The following MAP7 variants were observed in gnomAD, a reference collection of about 807,000 sequenced individuals.
MAP7 encodes microtubule associated protein 7, also known as ensconsin.
In MAP7, 52 loss-of-function variants were observed where a neutral mutation model predicts 94.8. The ratio of observed to expected loss-of-function variants is 0.55; its 90% CI spans 0.44 to 0.69. MAP7 has a LOEUF of 0.69. Ranked by LOEUF, MAP7 falls within the 30% of genes least tolerant of loss-of-function variation. The probability of loss-of-function intolerance (pLI) is 0.00; values close to 1 mark genes in which losing one functional copy is unlikely to be tolerated. For synonymous variants in MAP7, 350 were observed against 357.0 expected (o/e 0.98, Z 0.22); for missense variants, 940 against 964.6 (o/e 0.97, Z 0.34).
intron 7 of MAP7, among the ~76,000 whole-genome samples, chr6:136,376,994 A>G (rs779588221): frequency 9.9e-5 from 15 of 152,156 alleles, no homozygotes; most frequent in Non-Finnish European, 1.6e-4. Flanking sequence ...GGAAAACCTA[A>G]ATCAACTCAC....
chr6:136,525,385 G>C (rs1827550527), intron 1 of MAP7, among the ~76,000 whole-genome samples: 1 of 152,152 alleles, frequency 6.6e-6, no homozygotes, highest in African/African-American at 2.4e-5. Flanking sequence ...CCTAGAAAAG[G>C]TTGCACTCTT....
rs750906239 is a variant in MAP7 at position 136,362,633 on chromosome 6, AC to A, written c.1342del (p.Val448SerfsTer14). ...APASAPAPAPVPTPAMVSAPS... is the reference protein window; with the variant it reads ...APASAPAPAPXPTPAMVSAPS... ...GGCTGAGACCATGGCTGGGGTGGGG[AC>A]CGGGGCTGGAGCTGGGGCCGAGGCT... On this transcript the variant is annotated frameshift_variant, in exon 11 of 18. Coordinates refer to ENST00000354570, the MANE Select transcript of MAP7 (RefSeq NM_003980.6). LOFTEE classifies it high-confidence loss of function. 43 of 1,611,410 alleles carry A rather than the reference AC, an allele frequency of 2.7e-5. No individual in the cohort carries two copies. Among genetic ancestry groups the A allele is most frequent in the Non-Finnish European group, 3.6e-5 (43 of 1,178,926 alleles).
At position 136,393,798 on chromosome 6, in the gene MAP7, A is replaced by ATT. The variant is rs61666828; in HGVS notation, c.245-4283_245-4282dup. 7.3e-3 allele frequency among the ~76,000 whole-genome samples: 612 copies of ATT among 84,402 alleles called. 11 individuals carry two copies. Among genetic ancestry groups the ATT allele is most frequent in the African/African-American group, 0.025 (573 of 22,754 alleles). 55.4% of individuals were successfully genotyped at this position (84,402 alleles called of 152,430 possible). On this transcript the variant is annotated intron_variant, in intron 3 of 17. Transcript: ENST00000354570. ...GGTACATGCTACCACATTCAGCAAA[A>ATT]TTTTTTTTTTTTTTTTTTTTTTTTT...
rs1391984632 is a variant in MAP7 at position 136,373,046 on chromosome 6, C to T, written c.752-421G>A. Among the ~76,000 whole-genome samples the T allele has an allele frequency of 6.6e-5, 10 of 151,992 alleles. No homozygotes were observed. The East Asian group carries it at 1.7e-3, about 26-fold the overall frequency. ...AGACTAGTTTATAACCAGACTTTTC[C>T]TAAATTAGCTTTAAGATGGAACAAA... On this transcript the variant is annotated intron_variant, in intron 7 of 17. Transcript: ENST00000354570.
At chr6:136,400,066 C>G (rs1420542137) in intron 3 of MAP7, among the ~76,000 whole-genome samples, 1 of 151,538 alleles carries the variant, frequency 6.6e-6, no homozygotes, top group Non-Finnish European at 1.5e-5. Context: ...CAACCCCTAC[C>G]TCTACACCAC....
intron 3 of MAP7, among the ~76,000 whole-genome samples, chr6:136,400,770 T>C (rs1019307267): frequency 1.3e-5 from 2 of 152,188 alleles, no homozygotes; most frequent in Non-Finnish European, 2.9e-5. Flanking sequence ...CTCGAAAGCT[T>C]GTACTCAGTC....
rs1045097368 is a variant in MAP7 at position 136,443,509 on chromosome 6, T to G, written c.68-21710A>C. Among the ~76,000 whole-genome samples the G allele has an allele frequency of 2.1e-5, 3 of 145,832 alleles. No individual in the cohort carries two copies. In the Admixed American group the frequency reaches 2.2e-4, roughly 10 times the overall value. ...CTCTGTCACCCAGGCTGGAGTGCAG[T>G]GGTGCAATCTTGGCTCACTGCAACC... On this transcript the variant is annotated intron_variant, in intron 1 of 17. Coordinates refer to ENST00000354570, the MANE Select transcript of MAP7 (RefSeq NM_003980.6).
chr6:136,366,981 C>G (rs1349940063), intron 8 of MAP7, among the ~76,000 whole-genome samples: 1 of 152,070 alleles, frequency 6.6e-6, no homozygotes, highest in African/African-American at 2.4e-5. Flanking sequence ...CACCTACTGT[C>G]CTCTTGCAGC....
intron 9 of MAP7, 49 bp from the exon 10 acceptor site, chr6:136,366,067 G>T: frequency 6.4e-7 from 1 of 1,563,758 alleles, no homozygotes; most frequent in Non-Finnish European, 8.6e-7. Context: ...ATGAGAACAG[G>T]CTTGCCAGAA....
At chr6:136,506,560 T>C (rs1352444123) in intron 1 of MAP7, among the ~76,000 whole-genome samples, 2 of 151,534 alleles carry the variant, frequency 1.3e-5, no homozygotes, top group Non-Finnish European at 1.5e-5. Flanking sequence ...TCTTCCAGCC[T>C]CAGTACTGGG....
chr6:136,351,856 CTTG>C (rs1683858581), intron 16 of MAP7, among the ~76,000 whole-genome samples: 2 of 152,172 alleles, frequency 1.3e-5, no homozygotes, highest in South Asian at 4.1e-4. Context: ...TCGGTGTGTG[CTTG>C]CTCAGCAGGC....
In MAP7 at chr6:136,548,104, C is replaced by A. The variant is rs1385363152; in HGVS notation, c.67+2238G>T. On this transcript the variant is annotated intron_variant, in intron 1 of 17. Coordinates refer to ENST00000354570, the MANE Select transcript of MAP7 (RefSeq NM_003980.6). The stretch of plus-strand genomic sequence containing the variant: ...CGGCCACCCACCACCACCACCCCCC[C>A]CCACCCCCCCAACAATTCCATACAA... 7.7e-5 allele frequency among the ~76,000 whole-genome samples: 10 copies of A among 129,680 alleles called. No individual in the cohort carries two copies. The East Asian group carries it at 2.6e-3, about 34-fold the overall frequency. 85.1% of individuals were successfully genotyped at this position (129,680 alleles called of 152,430 possible).
chr6:136,354,875 G>A (rs145022101), intron 16 of MAP7, among the ~76,000 whole-genome samples: 7 of 152,296 alleles, frequency 4.6e-5, no homozygotes, highest in African/African-American at 1.7e-4. Context: ...ACTGAAGAGA[G>A]TCAAATTATG....
chr6:136,354,121 T>TA, intron 16 of MAP7, among the ~76,000 whole-genome samples: 3 of 63,376 alleles, frequency 4.7e-5, no homozygotes, highest in Admixed American at 3.6e-4. Flanking sequence ...TATATATATA[T>TA]ATTATATATA....
intron 1 of MAP7, among the ~76,000 whole-genome samples, chr6:136,429,708 T>C (rs760019531): frequency 1.3e-5 from 2 of 152,180 alleles, no homozygotes; most frequent in Admixed American, 6.5e-5. Context: ...TTCTGACACA[T>C]TGCGCTGACA....
In MAP7 at chr6:136,372,240, G is replaced by A. The variant is rs137995276; in HGVS notation, c.876+261C>T. 1.4e-3 allele frequency among the ~76,000 whole-genome samples: 216 copies of A among 152,242 alleles called. 1 individual carries two copies. Among genetic ancestry groups the A allele is most frequent in the African/African-American group, 4.6e-3 (190 of 41,538 alleles). On this transcript the variant is annotated intron_variant, in intron 8 of 17. Transcript: ENST00000354570. The stretch of plus-strand genomic sequence containing the variant: ...TATGGACGCTCCAGGAGGGTAGGGC[G>A]TCCACTCATACATGCTTGAACAAAG...
chr6:136,534,687 T>G (rs1312598247), intron 1 of MAP7, among the ~76,000 whole-genome samples: 1 of 152,230 alleles, frequency 6.6e-6, no homozygotes, highest in African/African-American at 2.4e-5. Context: ...GTTCCTACAG[T>G]TGGGGTCAGG....
chr6:136,468,818 CCTCT>C (rs936376209), intron 1 of MAP7, among the ~76,000 whole-genome samples: 6 of 152,122 alleles, frequency 3.9e-5, no homozygotes, highest in African/African-American at 1.2e-4. Flanking sequence ...ATCTACCCTC[CCTCT>C]AAGTAAGGAG....
At chr6:136,368,177 A>G (rs867874856) in intron 8 of MAP7, among the ~76,000 whole-genome samples, 2 of 152,038 alleles carry the variant, frequency 1.3e-5, no homozygotes, top group Admixed American at 6.5e-5. Context: ...CTCGATACTT[A>G]ACACCCTCCC....
Sources: gnomAD v4.1 joint callset for allele counts (sites outside exome capture counted in the v4.1 genomes callset) on GRCh38, gnomAD v4.1.1 for gene constraint, MANE v1.5 for transcripts, NCBI Gene and HGNC (gene_info 2026-07-23, HGNC 2026-07-21) for gene names.